Variants in EOGT observed in about 807,000 individuals in gnomAD.
The protein encoded by EOGT is EGF domain-specific O-linked N-acetylglucosamine transferase.
Under a neutral mutation model 70.5 loss-of-function variants are expected in EOGT, and 55 were observed. The ratio of observed to expected loss-of-function variants is 0.78; its 90% CI spans 0.63 to 0.98. The LOEUF is 0.98. EOGT is among the 50% of genes least tolerant of loss of function. The pLI is 0.00. For synonymous variants in EOGT, 246 were observed against 217.1 expected, an observed-to-expected ratio of 1.13 and a Z score of -1.17; for missense variants, 703 against 641.9, an observed-to-expected ratio of 1.10 and a Z score of -1.03.
intron 14 of EOGT, 56 bp from the exon 15 acceptor site, chr3:68,982,928 T>G: frequency 4.0e-5 from 57 of 1,420,834 alleles, no homozygotes; most frequent in Non-Finnish European, 5.5e-5. Flanking sequence ...CTTCTGTTTT[T>G]CCCTTATGAG....
intron 9 of EOGT, 28 bp from the exon 10 acceptor site, chr3:68,998,142 A>G: frequency 8.2e-7 from 1 of 1,213,538 alleles, no homozygotes; most frequent in East Asian, 2.4e-5. Flanking sequence ...AACTACATTA[A>G]TTAACACCAA....
chr3:68,982,233 T>G (rs1325724490), intron 15 of EOGT, among the ~76,000 whole-genome samples: 1 of 152,084 alleles, frequency 6.6e-6, no homozygotes, highest in Non-Finnish European at 1.5e-5. Flanking sequence ...AATTATGAAA[T>G]TTTAGGCCGG....
At position 68,983,734 on chromosome 3, in the gene EOGT, C is replaced by T. The variant is rs541461618; in HGVS notation, c.1153-862G>A. ...ATCCCAGCACTTTGGGAGGCCGAGG[C>T]GGGCAGATCACCTGAGGTCAGGAGT... On this transcript the variant is annotated intron_variant, in intron 14 of 17. Transcript: ENST00000383701. Among the ~76,000 whole-genome samples, 194 of 152,274 alleles carry T rather than the reference C, an allele frequency of 1.3e-3. 1 individual carries two copies. The highest frequency in any genetic ancestry group is 4.2e-3 in the African/African-American group (176 of 41,566).
intron 13 of EOGT, chr3:68,987,779 A>C (rs552195809): frequency 2.0e-6 from 1 of 509,202 alleles, no homozygotes; most frequent in African/African-American, 1.9e-5. Flanking sequence ...ATGTTACATG[A>C]ACATTTGGGG....
At chr3:68,989,860 G>A (rs1027407341) in intron 10 of EOGT, among the ~76,000 whole-genome samples, 3 of 151,196 alleles carry the variant, frequency 2.0e-5, no homozygotes, top group Non-Finnish European at 4.4e-5. Context: ...AGGATCACTT[G>A]AGCCTTGAAG....
intron 11 of EOGT, 84 bp downstream of exon 11, chr3:68,988,841 G>T: frequency 1.4e-6 from 1 of 720,174 alleles, no homozygotes; most frequent in South Asian, 2.0e-5. Context: ...TGGCTAATAG[G>T]AACTCATAAT....
intron 3 of EOGT, among the ~76,000 whole-genome samples, chr3:69,011,387 A>G (rs2091571608): frequency 6.6e-6 from 1 of 151,442 alleles, no homozygotes; most frequent in African/African-American, 2.4e-5. Context: ...GCACTTTGGG[A>G]GGCCAAGACT....
At chr3:68,986,898 T>G (rs1215808228) in intron 14 of EOGT, among the ~76,000 whole-genome samples, 1 of 152,240 alleles carries the variant, frequency 6.6e-6, no homozygotes, top group Non-Finnish European at 1.5e-5. Context: ...GAATAAATTC[T>G]TACTACTGAG....
intron 10 of EOGT, among the ~76,000 whole-genome samples, chr3:68,994,006 G>C (rs2091073130): frequency 6.6e-6 from 1 of 152,078 alleles, no homozygotes; most frequent in Non-Finnish European, 1.5e-5. Flanking sequence ...GAAATTTGGT[G>C]GGGACACAGC....
rs545703835 is a variant in EOGT at position 68,981,280 on chromosome 3, G to T, written c.1215-1493C>A. Among the ~76,000 whole-genome samples the T allele has an allele frequency of 7.2e-5, 11 of 152,278 alleles. No individual in the cohort carries two copies. The South Asian group carries it at 2.3e-3, about 32-fold the overall frequency. The stretch of plus-strand genomic sequence containing the variant: ...AGGGCTATGCCATCCGCCATAATGG[G>T]ATTCCTACTGCTGAGACTGGTGACC... On this transcript the variant is annotated intron_variant, in intron 15 of 17. Transcript: ENST00000383701.
chr3:69,009,494 G>A, intron 4 of EOGT, 143 bp downstream of exon 4: 1 of 624,460 alleles, frequency 1.6e-6, no homozygotes, highest in Non-Finnish European at 2.8e-6. Flanking sequence ...TCACTTAGAA[G>A]TATTATATGA....
chr3:68,982,878 A>G lies in EOGT; in HGVS notation c.1153-6T>C. On this transcript the variant is annotated splice_polypyrimidine_tract_variant and splice_region_variant and intron_variant, in intron 14 of 17. Coordinates refer to ENST00000383701, the MANE Select transcript of EOGT (RefSeq NM_001278689.2). ...GTTTTCAGTGCATTTACAAGCTGGG[A>G]AAAAAAGAGAAACATTTAGCATTTC... is the stretch of plus-strand genomic sequence containing the variant. The G allele has an allele frequency of 6.3e-7, 1 of 1,594,550 alleles. No homozygotes were observed. The highest frequency in any genetic ancestry group is 8.5e-7 in the Non-Finnish European group (1 of 1,169,784).
At chr3:68,993,840 A>T (rs1366322827) in intron 10 of EOGT, among the ~76,000 whole-genome samples, 7 of 152,312 alleles carry the variant, frequency 4.6e-5, no homozygotes, top group Middle Eastern at 3.4e-3. Flanking sequence ...ATGAGGAAGA[A>T]GCAAAAGTGG....
chr3:68,994,748 G>C (rs570520766), intron 10 of EOGT, among the ~76,000 whole-genome samples: 1 of 151,960 alleles, frequency 6.6e-6, no homozygotes, highest in African/African-American at 2.4e-5. Context: ...GCAAGATCGC[G>C]ACACTGCACT....
rs9310136 is a variant in EOGT at position 68,988,482 on chromosome 3, G to C, written c.996+24C>G. On this transcript the variant is annotated intron_variant, in intron 12 of 17. Coordinates refer to ENST00000383701, the MANE Select transcript of EOGT (RefSeq NM_001278689.2). ...AAATGTTATGTCTGTAAATATGAATGCTAATGGTAGACAATGTGCTTACCA... is the reference window on the plus strand; with the variant it reads ...AAATGTTATGTCTGTAAATATGAATCCTAATGGTAGACAATGTGCTTACCA... The C allele has an allele frequency of 0.46, 687,848 of 1,502,900 alleles. 163,756 individuals are homozygous for C. The highest frequency in any genetic ancestry group is 0.5 in the Non-Finnish European group (553,820 of 1,117,698). 93.1% of individuals were successfully genotyped at this position (1,502,900 alleles called of 1,614,324 possible). A position where few individuals can be genotyped will look rare whatever the true frequency, so the allele number is the denominator to read the frequency against.
rs573258093 is a variant in EOGT, at chr3:69,009,606, T to A, written c.210+31A>T. On this transcript the variant is annotated intron_variant, in intron 4 of 17. Coordinates refer to ENST00000383701, the MANE Select transcript of EOGT (RefSeq NM_001278689.2). Reference sequence around the variant, plus strand: ...TAAGCCAGCTGAAATTGCATCCTCATAAAAATAAGGAGAAAAGAAATAATA... The same window carrying A: ...TAAGCCAGCTGAAATTGCATCCTCAAAAAAATAAGGAGAAAAGAAATAATA... The A allele has an allele frequency of 1.8e-5, 29 of 1,568,486 alleles. No homozygotes were observed. In the South Asian group the frequency reaches 2.7e-4, roughly 15 times the overall value.
At chr3:68,981,018 CT>C in intron 15 of EOGT, among the ~76,000 whole-genome samples, 1 of 152,272 alleles carries the variant, frequency 6.6e-6, no homozygotes, top group Middle Eastern at 3.4e-3. Flanking sequence ...GGTTTTGGGA[CT>C]GATGTGGGGG....
At chr3:69,009,896 T>C (rs750316780) in intron 3 of EOGT, 36 bp from the exon 4 acceptor site, 2 of 1,384,400 alleles carry the variant, frequency 1.4e-6, no homozygotes, top group East Asian at 2.3e-5. Flanking sequence ...TGTTAACAAA[T>C]TTCCTTTAAA....
chr3:68,980,943 T>C (rs2090622712), intron 15 of EOGT, among the ~76,000 whole-genome samples: 1 of 152,206 alleles, frequency 6.6e-6, no homozygotes, highest in Non-Finnish European at 1.5e-5. Flanking sequence ...AGCCAGTCAA[T>C]GATACAGCCT....
Sources: allele counts gnomAD v4.1 joint callset (sites outside exome capture counted in the v4.1 genomes callset), GRCh38; gene constraint gnomAD v4.1.1; transcripts MANE v1.5; gene names NCBI Gene and HGNC (gene_info 2026-07-23, HGNC 2026-07-21).